AGAP3: variants seen among roughly 807,000 people sequenced by gnomAD.
AGAP3 encodes ArfGAP with GTPase domain, ankyrin repeat and PH domain 3.
AGAP3 carries 24 observed loss-of-function variants against 96.9 expected under a neutral mutation model. That is an observed-to-expected ratio of 0.25 (90% CI 0.18 to 0.35). The LOEUF is 0.35. Among genes scored for constraint, AGAP3 ranks in the 10% least tolerant of loss-of-function variants. The pLI, the probability that AGAP3 is intolerant of heterozygous loss-of-function variation, is 1.00. For synonymous variants in AGAP3, 563 were observed against 536.1 expected (o/e 1.05, Z -0.69); for missense variants, 876 against 1,254.2 (o/e 0.70, Z 4.55).
chr7:151,140,962 AG>A lies in AGAP3; in HGVS notation c.1804+849del, dbSNP rs1386165730. 1 of 152,192 alleles carries A rather than the reference AG, an allele frequency of 6.6e-6. No homozygotes were observed. The highest frequency in any genetic ancestry group is 2.4e-5 in the African/African-American group (1 of 41,396). 9.4% of individuals were successfully genotyped at this position (152,192 alleles called of 1,614,324 possible). A position where few individuals can be genotyped will look rare whatever the true frequency, so the allele number is the denominator to read the frequency against. On this transcript the variant is annotated intron_variant, in intron 13 of 17. Transcript: ENST00000397238. The surrounding 1 kb of genome is among the most constrained non-coding windows in gnomAD (Gnocchi z 5.4). ...GTTCTGCTAACAGTCCCTGAGAGCA[AG>A]GGCCCAGCAGAGGAGGAATTCCAGG...
At chr7:151,092,925 T>C (rs981954185) in intron 1 of AGAP3, among the ~76,000 whole-genome samples, 2 of 152,174 alleles carry the variant, frequency 1.3e-5, no homozygotes, top group Admixed American at 1.3e-4. Flanking sequence ...CTTTAGAATA[T>C]AATTTTAGGG....
At chr7:151,113,122 G>A (rs1439812076) in intron 1 of AGAP3, among the ~76,000 whole-genome samples, 2 of 152,188 alleles carry the variant, frequency 1.3e-5, no homozygotes, top group East Asian at 3.8e-4. Flanking sequence ...TGTTGTGCGT[G>A]AGAGAGAGGG....
At chr7:151,126,865 G>C (rs1406085022) in intron 9 of AGAP3, among the ~76,000 whole-genome samples, 1 of 152,236 alleles carries the variant, frequency 6.6e-6, no homozygotes, top group Non-Finnish European at 1.5e-5. Context: ...GGGTCTCCCA[G>C]GCCAAGGGGG....
intron 1 of AGAP3, among the ~76,000 whole-genome samples, chr7:151,088,770 T>C (rs1341953329): frequency 6.6e-6 from 1 of 152,176 alleles, no homozygotes; most frequent in African/African-American, 2.4e-5. Flanking sequence ...GTTGAGCATC[T>C]TTTGTGATGT....
intron 5 of AGAP3, 158 bp downstream of exon 5, chr7:151,117,935 G>A (rs1799675879): frequency 1.7e-6 from 2 of 1,147,422 alleles, no homozygotes; most frequent in Admixed American, 2.9e-5. Context: ...TCGTGTCTGA[G>A]GGCTTTTGCC....
intron 1 of AGAP3, among the ~76,000 whole-genome samples, chr7:151,105,483 TG>T (rs1181216827): frequency 2.0e-5 from 3 of 151,698 alleles, no homozygotes; most frequent in Non-Finnish European, 4.4e-5. Context: ...ATGCCAGTCA[TG>T]GTGGCTCACA....
At position 151,086,685 on chromosome 7, in the gene AGAP3, GCCGCCGCCT is replaced by G; in HGVS notation, c.-49_-41del. On this transcript the variant is annotated 5_prime_UTR_variant, in exon 1 of 18. Coordinates refer to ENST00000397238, the MANE Select transcript of AGAP3 (RefSeq NM_031946.7). ...GCTCGCCGCTGCCGCCGCCGCCGCCGCCGCCGCCTCCGCCGCGCCGCCCCGGGCCCGCCT... is the reference window on the plus strand; with the variant it reads ...GCTCGCCGCTGCCGCCGCCGCCGCCGCCGCCGCGCCGCCCCGGGCCCGCCT... 1.3e-5 allele frequency: 3 copies of G among 224,880 alleles called. No homozygotes were observed. The highest frequency in any genetic ancestry group is 2.2e-5 in the Non-Finnish European group (3 of 138,400). The allele number at this position is 224,880 out of a possible 1,614,324, so 13.9% of individuals were successfully genotyped here. A position where few individuals can be genotyped will look rare whatever the true frequency, so the allele number is the denominator to read the frequency against.
chr7:151,142,059 A>T lies in AGAP3; in HGVS notation c.1959+7A>T. The T allele has an allele frequency of 6.2e-7, 1 of 1,611,954 alleles. No homozygotes were observed. Among genetic ancestry groups the T allele is most frequent in the Non-Finnish European group, 8.5e-7 (1 of 1,178,486 alleles). On this transcript the variant is annotated splice_region_variant and intron_variant, in intron 14 of 17. Transcript: ENST00000397238. The surrounding 1 kb of genome is among the most constrained non-coding windows in gnomAD (Gnocchi z 7.5). The stretch of plus-strand genomic sequence containing the variant: ...CCGCAGTGCCAAGGACAAGGTGGGT[A>T]CAGAGTGACTGGGCCCACACAGAGC...
intron 8 of AGAP3, 26 bp from the exon 9 acceptor site, chr7:151,123,768 A>C: frequency 3.7e-6 from 6 of 1,612,494 alleles, no homozygotes; most frequent in Non-Finnish European, 5.1e-6. Context: ...GGGCCTCTTT[A>C]ACACGCCTCT....
chr7:151,135,143 C>T (rs528888148), intron 11 of AGAP3, among the ~76,000 whole-genome samples: 23 of 152,300 alleles, frequency 1.5e-4, no homozygotes, highest in African/African-American at 4.8e-4. Context: ...TCCCTAGTGC[C>T]GCTTCATTCC....
chr7:151,138,488 A>G (rs1247669119), intron 12 of AGAP3, among the ~76,000 whole-genome samples, 175 bp downstream of exon 12: 1 of 152,176 alleles, frequency 6.6e-6, no homozygotes, highest in African/African-American at 2.4e-5. Context: ...CGGGGCTAGT[A>G]CTGACGTTGT....
chr7:151,117,578 C>T (rs939772058), intron 4 of AGAP3, 58 bp from the exon 5 acceptor site: 2 of 1,611,854 alleles, frequency 1.2e-6, no homozygotes, highest in African/African-American at 2.7e-5. Flanking sequence ...TTCACCTGCC[C>T]TGCATGGGAG....
intron 1 of AGAP3, chr7:151,112,257 A>C (rs1799321955): frequency 6.6e-6 from 1 of 152,214 alleles, no homozygotes; most frequent in South Asian, 2.1e-4. Context: ...GAGGAAGAGA[A>C]AGCTGTTCTG....
At chr7:151,087,126 G>A (rs1450382915) in intron 1 of AGAP3, 54 bp downstream of exon 1, 3 of 1,533,134 alleles carry the variant, frequency 2.0e-6, no homozygotes, top group South Asian at 1.2e-5. Context: ...CTCCGGCGCC[G>A]GCCGAGGGCT....
rs1026358967 is a variant in AGAP3 at position 151,124,010 on chromosome 7, C to G, written c.1221+124C>G. The G allele has an allele frequency of 1.2e-5, 12 of 991,418 alleles. No homozygotes were observed. In the African/African-American group the frequency reaches 1.6e-4, roughly 13 times the overall value. The allele number at this position is 991,418 out of a possible 1,614,324, so 61.4% of individuals were successfully genotyped here. A position where few individuals can be genotyped will look rare whatever the true frequency, so the allele number is the denominator to read the frequency against. On this transcript the variant is annotated intron_variant, in intron 9 of 17. Transcript: ENST00000397238. ...TGGCATCAGAGGCCAGCACCACCCT[C>G]CTAGGCGGAGTCCTTAACAAGGGAC... is the stretch of plus-strand genomic sequence containing the variant.
intron 1 of AGAP3, among the ~76,000 whole-genome samples, chr7:151,113,297 C>T (rs1456100068): frequency 6.6e-6 from 1 of 152,214 alleles, no homozygotes; most frequent in Non-Finnish European, 1.5e-5. Context: ...GAACATGCAT[C>T]CCATACAGGA....
Position 151,138,296 on chromosome 7 carries a change from C to T in AGAP3, c.1649C>T (p.Pro550Leu), listed in dbSNP as rs371363898. Residue 550 changes from proline (P) to leucine (L), a missense_variant, in exon 12 of 18, where the codon CCA (proline) becomes CTA (leucine). Physicochemically the swap from Pro to Leu is moderately conservative, Grantham distance 98 (BLOSUM62 -3). This residue lies in a region of AGAP3 where 155 missense variants were observed against 144.4 expected (regional missense o/e 1.07). Coordinates refer to ENST00000397238, the MANE Select transcript of AGAP3 (RefSeq NM_031946.7). ...AGTGAGGCCACCACTTCCCTGCCCC[C>T]AGGCATGCAGCACCCTGGTGAGTGG... ...QWSEATTSLP[P>L]GMQHPASGPA... is the part of the protein sequence containing the mutation. 1.9e-6 allele frequency: 3 copies of T among 1,612,062 alleles called. No homozygotes were observed. The highest frequency in any genetic ancestry group is 1.7e-5 in the Admixed American group (1 of 59,942).
At chr7:151,122,953 A>G in intron 8 of AGAP3, 1 of 1,439,376 alleles carries the variant, frequency 6.9e-7, no homozygotes, top group Non-Finnish European at 9.1e-7. Context: ...GAAGGCTAGG[A>G]GCGCCGGAGC....
chr7:151,100,178 G>A (rs1046976343), intron 1 of AGAP3, among the ~76,000 whole-genome samples: 1 of 152,220 alleles, frequency 6.6e-6, no homozygotes. Flanking sequence ...GCCCAACTCC[G>A]AGAGGGTCTT....
Sources: gnomAD v4.1 joint callset for allele counts (sites outside exome capture counted in the v4.1 genomes callset) on GRCh38, gnomAD v4.1.1 for gene constraint, gnomAD v4.1.1 regional missense constraint, Gnocchi (gnomAD v3.1) non-coding constraint, MANE v1.5 for transcripts, NCBI Gene and HGNC (gene_info 2026-07-23, HGNC 2026-07-21) for gene names.